The following NCKAP5 variants were observed in gnomAD, a reference collection of about 807,000 sequenced individuals.
NCKAP5 encodes the protein NCK associated protein 5.
In NCKAP5, 92 loss-of-function variants were observed where a neutral mutation model predicts 167.0. The ratio of observed to expected loss-of-function variants is 0.55; its 90% CI spans 0.47 to 0.66. NCKAP5 has a LOEUF of 0.66. Ranked by LOEUF, NCKAP5 falls within the 30% of genes least tolerant of loss-of-function variation. NCKAP5 has a pLI of 0.00. For missense variants in NCKAP5, 2,378 were observed against 2,315.0 expected, an observed-to-expected ratio of 1.03 and a Z score of -0.56; for synonymous variants, 891 against 877.4, an observed-to-expected ratio of 1.02 and a Z score of -0.27.
In NCKAP5 at chr2:132,725,756, T is replaced by C; in HGVS notation, c.5584A>G (p.Lys1862Glu). Residue 1862 changes from lysine (K) to glutamate (E), a missense_variant, in exon 19 of 20, where the codon AAG becomes GAG. Physicochemically the swap from Lys to Glu is moderately conservative, Grantham distance 56. Coordinates refer to ENST00000409261, the MANE Select transcript of NCKAP5 (RefSeq NM_207363.3). The part of the protein sequence containing the change: ...SEVAATGTQD[K>E]APRMCTYSAS... ...GAGTACGTACACATTCTGGGTGCCT[T>C]GTCCTAAATGAGTAATATGAGACTG... is the stretch of plus-strand genomic sequence containing the variant. The C allele has an allele frequency of 5.0e-6, 8 of 1,612,936 alleles. No individual in the cohort carries two copies. The highest frequency in any genetic ancestry group is 6.8e-6 in the Non-Finnish European group (8 of 1,179,610).
the NCKAP5 span, among the ~76,000 whole-genome samples, chr2:133,624,879 T>C: frequency 6.6e-6 from 1 of 152,178 alleles, no homozygotes; most frequent in Non-Finnish European, 1.5e-5. Context: ...GAGAAAAGTT[T>C]CAGATTAAGA....
chr2:132,912,427 C>A (rs1237448430), intron 8 of NCKAP5, among the ~76,000 whole-genome samples: 1 of 152,168 alleles, frequency 6.6e-6, no homozygotes. Context: ...GAGCCTTCAA[C>A]CCTCTGTGGA....
At chr2:133,394,944 G>A (rs1687644835) in intron 3 of NCKAP5, among the ~76,000 whole-genome samples, 1 of 152,124 alleles carries the variant, frequency 6.6e-6, no homozygotes, top group African/African-American at 2.4e-5. Flanking sequence ...ATAAAATTGT[G>A]CATTTTCACC....
At chr2:132,960,458 C>A (rs778520253) in intron 8 of NCKAP5, among the ~76,000 whole-genome samples, 1 of 152,168 alleles carries the variant, frequency 6.6e-6, no homozygotes, top group Non-Finnish European at 1.5e-5. Flanking sequence ...ACAGAACTAT[C>A]AAAAGACAGA....
intron 3 of NCKAP5, among the ~76,000 whole-genome samples, chr2:133,424,698 T>G (rs772691103): frequency 3.3e-5 from 5 of 152,212 alleles, no homozygotes; most frequent in Admixed American, 6.5e-5. Context: ...GGGCTAGCAA[T>G]GTAGCCTCAT....
chr2:133,349,112 T>A (rs1220584919), intron 3 of NCKAP5, among the ~76,000 whole-genome samples: 2 of 152,236 alleles, frequency 1.3e-5, no homozygotes, highest in African/African-American at 2.4e-5. Context: ...CACTGTTTTT[T>A]CTCTGCCCAC....
chr2:132,936,812 T>C (rs1244269470), intron 8 of NCKAP5, among the ~76,000 whole-genome samples: 3 of 152,224 alleles, frequency 2.0e-5, no homozygotes, highest in Non-Finnish European at 4.4e-5. Flanking sequence ...AAAATGCATA[T>C]GTATCAACTT....
At chr2:132,947,953 C>G (rs1296683075) in intron 8 of NCKAP5, among the ~76,000 whole-genome samples, 1 of 152,110 alleles carries the variant, frequency 6.6e-6, no homozygotes, top group African/African-American at 2.4e-5. Flanking sequence ...AAACTTACTA[C>G]CCAAACTCAA....
At chr2:133,458,544 G>T (rs1411853685) in intron 3 of NCKAP5, among the ~76,000 whole-genome samples, 1 of 152,042 alleles carries the variant, frequency 6.6e-6, no homozygotes, top group Non-Finnish European at 1.5e-5. Context: ...TCCCCACAAT[G>T]CACACCTACC....
chr2:133,383,605 G>T (rs1444972866), intron 3 of NCKAP5, among the ~76,000 whole-genome samples: 1 of 152,144 alleles, frequency 6.6e-6, no homozygotes, highest in Non-Finnish European at 1.5e-5. Flanking sequence ...GGGTCAAATG[G>T]TATTTCTAGT....
chr2:133,308,912 T>A (rs973332517), intron 3 of NCKAP5, among the ~76,000 whole-genome samples: 2 of 149,140 alleles, frequency 1.3e-5, no homozygotes, highest in African/African-American at 4.9e-5. Context: ...GGGTTTCACC[T>A]TGTTAGCCAG....
chr2:133,579,832 C>A, the NCKAP5 span, among the ~76,000 whole-genome samples: 3 of 152,246 alleles, frequency 2.0e-5, no homozygotes, highest in Non-Finnish European at 4.4e-5. Flanking sequence ...CCAATTTCAA[C>A]CCCCCATTTT....
chr2:132,993,956 C>T (rs1053351195), intron 7 of NCKAP5, among the ~76,000 whole-genome samples, 196 bp downstream of exon 7: 1 of 152,222 alleles, frequency 6.6e-6, no homozygotes, highest in African/African-American at 2.4e-5. Context: ...CACTCTGTTT[C>T]ACAGTAGGAG....
chr2:133,152,395 C>CT (rs1291008217), intron 5 of NCKAP5, among the ~76,000 whole-genome samples: 3 of 152,152 alleles, frequency 2.0e-5, no homozygotes, highest in Admixed American at 2.0e-4. Flanking sequence ...AGATTAAACT[C>CT]TAAACCACTG....
chr2:133,041,344 T>C (rs187246117), intron 6 of NCKAP5, among the ~76,000 whole-genome samples: 103 of 152,262 alleles, frequency 6.8e-4, no homozygotes, highest in Non-Finnish European at 1.3e-3. Flanking sequence ...CCAGACACTA[T>C]AATGAACAAG....
chr2:133,231,989 A>G (rs2087172543), intron 4 of NCKAP5, among the ~76,000 whole-genome samples: 1 of 152,196 alleles, frequency 6.6e-6, no homozygotes, highest in African/African-American at 2.4e-5. Context: ...TACAGAAAGG[A>G]CACACTTTTT....
chr2:133,113,249 A>G (rs1327591039), intron 6 of NCKAP5, among the ~76,000 whole-genome samples: 1 of 151,434 alleles, frequency 6.6e-6, no homozygotes, highest in Admixed American at 6.6e-5. Context: ...TGTTAATTCT[A>G]CAAAACAGAT....
At chr2:132,857,495 A>C (rs1259058313) in intron 11 of NCKAP5, among the ~76,000 whole-genome samples, 1 of 152,204 alleles carries the variant, frequency 6.6e-6, no homozygotes, top group Non-Finnish European at 1.5e-5. Flanking sequence ...AACATTCATT[A>C]AGTTGAGGGC....
At chr2:133,407,946 G>T (rs568704557) in intron 3 of NCKAP5, among the ~76,000 whole-genome samples, 2 of 152,188 alleles carry the variant, frequency 1.3e-5, no homozygotes, top group East Asian at 3.9e-4. Context: ...TTTGACTTAG[G>T]GTGCCTACAC....
Sources: allele counts gnomAD v4.1 joint callset (sites outside exome capture counted in the v4.1 genomes callset), GRCh38; gene constraint gnomAD v4.1.1; transcripts MANE v1.5; gene names NCBI Gene and HGNC (gene_info 2026-07-23, HGNC 2026-07-21).